The following SCAMP1 variants were observed in gnomAD, a reference collection of about 807,000 sequenced individuals.
SCAMP1 encodes the protein secretory carrier membrane protein 1.
Under a neutral mutation model 41.8 loss-of-function variants are expected in SCAMP1, and 15 were observed. That is an observed-to-expected ratio of 0.36 (90% CI 0.24 to 0.55). The LOEUF (loss-of-function observed/expected upper bound fraction) is 0.55. Among genes scored for constraint, SCAMP1 ranks in the 20% least tolerant of loss-of-function variants. The probability of loss-of-function intolerance (pLI) is 0.86; values close to 1 mark genes in which losing one functional copy is unlikely to be tolerated. For missense variants in SCAMP1, 341 were observed against 412.6 expected (o/e 0.83, Z 1.50); for synonymous variants, 135 against 136.8 (o/e 0.99, Z 0.09).
Position 78,476,978 on chromosome 5 carries a change from T to C in SCAMP1, c.*1310T>C, listed in dbSNP as rs1754020195. 1 of 152,148 alleles carries C rather than the reference T, an allele frequency of 6.6e-6. No individual in the cohort carries two copies. The highest frequency in any genetic ancestry group is 6.5e-5 in the Admixed American group (1 of 15,274). 9.4% of individuals were successfully genotyped at this position (152,148 alleles called of 1,614,324 possible). A position where few individuals can be genotyped will look rare whatever the true frequency, so the allele number is the denominator to read the frequency against. On this transcript the variant is annotated 3_prime_UTR_variant, in exon 9 of 9. Transcript: ENST00000621999. ...TGATTAAATAAATGACTCAAAGACA[T>C]CTGTAAGTCATGCTGCTGTGTTTTG...
intron 4 of SCAMP1, among the ~76,000 whole-genome samples, chr5:78,417,518 G>A (rs1324759512): frequency 6.6e-6 from 1 of 152,196 alleles, no homozygotes; most frequent in Non-Finnish European, 1.5e-5. Flanking sequence ...AGTTATGTTA[G>A]TAAAGACAGT....
Position 78,457,457 on chromosome 5 carries a change from G to C in SCAMP1, c.735-1788G>C, listed in dbSNP as rs371216604. On this transcript the variant is annotated intron_variant, in intron 7 of 8. Transcript: ENST00000621999. ...GAATACCCTGTCGTGTAAGGTGTCA[G>C]TGTGCCCCTGCTGGGGGGTGCCTCC... is the stretch of plus-strand genomic sequence containing the variant. Among the ~76,000 whole-genome samples the C allele has an allele frequency of 4.1e-4, 63 of 152,186 alleles. 1 individual carries two copies. The East Asian group carries it at 7.2e-3, about 17-fold the overall frequency.
chr5:78,363,222 T>C (rs1256798280), intron 1 of SCAMP1, among the ~76,000 whole-genome samples: 1 of 151,184 alleles, frequency 6.6e-6, no homozygotes, highest in Non-Finnish European at 1.5e-5. Flanking sequence ...TTTCTTTCTT[T>C]TTTTTTTTGA....
rs1297221833 is a variant in SCAMP1 at position 78,480,129 on chromosome 5, G to A, written c.*4461G>A. 6.6e-6 allele frequency among the ~76,000 whole-genome samples: 1 copy of A among 152,068 alleles called. No individual in the cohort carries two copies. The highest frequency in any genetic ancestry group is 1.5e-5 in the Non-Finnish European group (1 of 67,996). ...ATGGGAACTATCATGTGGCAATGTA[G>A]TGAGTGTTAAACTTTGTGTTTGTCC... On this transcript the variant is annotated 3_prime_UTR_variant, in exon 9 of 9. Coordinates refer to ENST00000621999, the MANE Select transcript of SCAMP1 (RefSeq NM_004866.6).
intron 1 of SCAMP1, 89 bp downstream of exon 1, chr5:78,360,817 C>T (rs889549679): frequency 3.8e-6 from 5 of 1,311,454 alleles, no homozygotes; most frequent in Admixed American, 4.0e-5. Context: ...TGCGTCTGCC[C>T]CTCGGCTCCC....
chr5:78,391,254 C>T (rs1270235410), intron 2 of SCAMP1, among the ~76,000 whole-genome samples: 47 of 151,426 alleles, frequency 3.1e-4, no homozygotes, highest in African/African-American at 3.1e-4. Flanking sequence ...CCTCACCTCC[C>T]GGACGGGGCA....
chr5:78,416,757 C>T, intron 4 of SCAMP1, 108 bp downstream of exon 4: 1 of 746,692 alleles, frequency 1.3e-6, no homozygotes, highest in Non-Finnish European at 2.2e-6. Flanking sequence ...ACCCTGTTTT[C>T]CTGTTCTAAC....
chr5:78,406,222 T>C (rs1479653376), intron 2 of SCAMP1, among the ~76,000 whole-genome samples: 1 of 152,224 alleles, frequency 6.6e-6, no homozygotes, highest in Non-Finnish European at 1.5e-5. Context: ...ACAAATTCTC[T>C]CTTCTAATCC....
chr5:78,366,814 C>T (rs1750807040), intron 1 of SCAMP1, among the ~76,000 whole-genome samples: 1 of 151,672 alleles, frequency 6.6e-6, no homozygotes, highest in Non-Finnish European at 1.5e-5. Context: ...AGTGAGACTT[C>T]CATCTCTACT....
chr5:78,459,482 C>G, intron 8 of SCAMP1, 120 bp downstream of exon 8: 1 of 590,084 alleles, frequency 1.7e-6, no homozygotes, highest in Non-Finnish European at 3.0e-6. Flanking sequence ...TGAGTTTGCT[C>G]TCTGAGGATT....
chr5:78,387,614 G>A (rs886622408), intron 1 of SCAMP1, among the ~76,000 whole-genome samples: 1 of 152,062 alleles, frequency 6.6e-6, no homozygotes, highest in Non-Finnish European at 1.5e-5. Context: ...TGGAACTCAA[G>A]GGCTGCTGTT....
chr5:78,424,595 G>C (rs1386470569), intron 6 of SCAMP1, among the ~76,000 whole-genome samples: 3 of 152,012 alleles, frequency 2.0e-5, no homozygotes, highest in Non-Finnish European at 4.4e-5. Flanking sequence ...GCTGAGTATC[G>C]TGGCATGTTT....
At chr5:78,472,023 T>C (rs1223486435) in intron 8 of SCAMP1, among the ~76,000 whole-genome samples, 1 of 152,060 alleles carries the variant, frequency 6.6e-6, no homozygotes, top group East Asian at 1.9e-4. Context: ...AAGATAGTAT[T>C]TAAGTTGTTT....
chr5:78,451,102 T>C (rs1753214424), intron 7 of SCAMP1, among the ~76,000 whole-genome samples: 1 of 152,212 alleles, frequency 6.6e-6, no homozygotes, highest in East Asian at 1.9e-4. Flanking sequence ...TTTCTTTCGC[T>C]TTTTAGCACA....
intron 8 of SCAMP1, among the ~76,000 whole-genome samples, chr5:78,469,164 C>T (rs1024352809): frequency 1.3e-5 from 2 of 152,152 alleles, no homozygotes; most frequent in African/African-American, 4.8e-5. Context: ...ACCTCTCCCC[C>T]TTGTCTCTTC....
chr5:78,431,156 C>T (rs1014111157), intron 6 of SCAMP1, among the ~76,000 whole-genome samples: 5 of 151,930 alleles, frequency 3.3e-5, no homozygotes, highest in African/African-American at 9.7e-5. Context: ...ATAGATATAA[C>T]ATTGCTAGGA....
intron 1 of SCAMP1, among the ~76,000 whole-genome samples, chr5:78,361,634 A>G (rs1561245538): frequency 6.6e-6 from 1 of 151,966 alleles, no homozygotes; most frequent in Admixed American, 6.6e-5. Flanking sequence ...CATCTAAATA[A>G]CTCTCTCTTT....
In SCAMP1 at chr5:78,400,584, T is replaced by G. The variant is rs369243940; in HGVS notation, c.135+11670T>G. Reference sequence around the variant, plus strand: ...AGAATGTATACATATTTCATTAGATTTATGCCTGTTTTACTTTGGGAGATG... The same window carrying G: ...AGAATGTATACATATTTCATTAGATGTATGCCTGTTTTACTTTGGGAGATG... On this transcript the variant is annotated intron_variant, in intron 2 of 8. Coordinates refer to ENST00000621999, the MANE Select transcript of SCAMP1 (RefSeq NM_004866.6). 5.9e-5 allele frequency among the ~76,000 whole-genome samples: 9 copies of G among 152,232 alleles called. No homozygotes were observed. The East Asian group carries it at 1.3e-3, about 23-fold the overall frequency.
intron 8 of SCAMP1, among the ~76,000 whole-genome samples, chr5:78,473,575 G>T (rs1479950960): frequency 6.6e-6 from 1 of 152,114 alleles, no homozygotes; most frequent in Non-Finnish European, 1.5e-5. Flanking sequence ...CTGTCATCCA[G>T]GTAGTGAGCA....
Sources: gnomAD v4.1 joint callset for allele counts (sites outside exome capture counted in the v4.1 genomes callset) on GRCh38, gnomAD v4.1.1 for gene constraint, MANE v1.5 for transcripts, NCBI Gene and HGNC (gene_info 2026-07-23, HGNC 2026-07-21) for gene names.